The following RYK variants were observed in gnomAD, a reference collection of about 807,000 sequenced individuals.
The protein encoded by RYK is inactive tyrosine-protein kinase RYK.
A neutral mutation model predicts 70.2 loss-of-function variants in RYK; 21 were observed. The observed-to-expected ratio is 0.30, with a 90% CI of 0.21 to 0.43. RYK has a LOEUF of 0.43. Ranked by LOEUF, RYK falls within the 20% of genes least tolerant of loss-of-function variation. The pLI is 1.00. For synonymous variants in RYK, 267 were observed against 278.0 expected (o/e 0.96, Z 0.39); for missense variants, 604 against 753.3 (o/e 0.80, Z 2.32).
chr3:134,189,932 C>A (rs1007288171), intron 8 of RYK, among the ~76,000 whole-genome samples: 4 of 152,122 alleles, frequency 2.6e-5, no homozygotes, highest in Admixed American at 2.0e-4. Context: ...CTCTTTCTCA[C>A]TAGAAAATTG....
chr3:134,185,666 T>C (rs1346598681), intron 9 of RYK, among the ~76,000 whole-genome samples: 1 of 152,178 alleles, frequency 6.6e-6, no homozygotes, highest in African/African-American at 2.4e-5. Context: ...TCTAATGAAA[T>C]TATGGCCAGG....
In RYK at chr3:134,209,843, A is replaced by G. The variant is rs747356691; in HGVS notation, c.455-14T>C. 8.1e-5 allele frequency: 117 copies of G among 1,450,374 alleles called. No homozygotes were observed. Among genetic ancestry groups the G allele is most frequent in the Non-Finnish European group, 1.1e-4 (116 of 1,101,952 alleles). 89.8% of individuals were successfully genotyped at this position (1,450,374 alleles called of 1,614,324 possible). ...CTACCCGAAACACTGTTTAAAAAAGATAAGAAAAATATTTTACATTTTCTA... is the reference window on the plus strand; with the variant it reads ...CTACCCGAAACACTGTTTAAAAAAGGTAAGAAAAATATTTTACATTTTCTA... On this transcript the variant is annotated splice_polypyrimidine_tract_variant and intron_variant, in intron 3 of 14. Transcript: ENST00000623711.
intron 1 of RYK, among the ~76,000 whole-genome samples, chr3:134,224,985 T>G (rs1036334559): frequency 6.6e-6 from 1 of 152,126 alleles, no homozygotes; most frequent in Non-Finnish European, 1.5e-5. Flanking sequence ...TTTTCTTTAT[T>G]ATACTGGAAC....
chr3:134,222,383 C>T (rs2014766961), intron 2 of RYK, 35 bp downstream of exon 2: 6 of 1,611,292 alleles, frequency 3.7e-6, no homozygotes, highest in Non-Finnish European at 5.1e-6. Flanking sequence ...GCTGGGTGAC[C>T]CTGTCATGAT....
intron 2 of RYK, among the ~76,000 whole-genome samples, chr3:134,219,349 G>C (rs1037725115): frequency 3.9e-5 from 6 of 152,108 alleles, no homozygotes; most frequent in African/African-American, 1.2e-4. Context: ...TGTTTTAAAG[G>C]AATCAGTAAA....
intron 14 of RYK, 28 bp from the exon 15 acceptor site, chr3:134,158,292 G>T: frequency 6.9e-7 from 1 of 1,445,038 alleles, no homozygotes; most frequent in Non-Finnish European, 9.4e-7. Context: ...TGAAAATTTG[G>T]GCTAGTAAGG....
At chr3:134,210,897 T>C (rs1224868624) in intron 3 of RYK, among the ~76,000 whole-genome samples, 1 of 152,172 alleles carries the variant, frequency 6.6e-6, no homozygotes, top group East Asian at 1.9e-4. Flanking sequence ...AGTGCAGATC[T>C]TGAGTCTTGC....
intron 13 of RYK, among the ~76,000 whole-genome samples, chr3:134,163,540 A>G (rs1257995081): frequency 6.6e-6 from 1 of 152,204 alleles, no homozygotes; most frequent in South Asian, 2.1e-4. Context: ...TATAAGATGT[A>G]AAACAGTTTT....
At chr3:134,183,591 T>C (rs2013371416) in intron 9 of RYK, among the ~76,000 whole-genome samples, 1 of 151,958 alleles carries the variant, frequency 6.6e-6, no homozygotes, top group African/African-American at 2.4e-5. Context: ...TGGGCAAGAG[T>C]GTGAGAAAAC....
intron 2 of RYK, among the ~76,000 whole-genome samples, chr3:134,219,180 A>C (rs375570330): frequency 6.6e-6 from 1 of 152,094 alleles, no homozygotes; most frequent in African/African-American, 2.4e-5. Context: ...CCATGCTAAC[A>C]CTGCTTCCCC....
At chr3:134,202,272 AT>A (rs1678839135) in intron 6 of RYK, among the ~76,000 whole-genome samples, 1 of 152,236 alleles carries the variant, frequency 6.6e-6, no homozygotes, top group African/African-American at 2.4e-5. Context: ...AAATACCAGT[AT>A]GTTTTCAAAG....
At chr3:134,196,582 A>AACACACACACACACACACACAC (rs57185535) in intron 6 of RYK, among the ~76,000 whole-genome samples, 2 of 128,394 alleles carry the variant, frequency 1.6e-5, no homozygotes, top group African/African-American at 2.9e-5. Context: ...TCTGAAACAA[A>AACACACACACACACACACACAC]ACACACACAC....
rs147543757 is a variant in RYK at position 134,229,427 on chromosome 3, G to T, written c.233-6888C>A. ...AGGATAGAAAATCTTCACAACCTGG[G>T]GTAAGCAAAGATTTCCTGGACAGGT... On this transcript the variant is annotated intron_variant, in intron 1 of 14. Transcript: ENST00000623711. Among the ~76,000 whole-genome samples, 8 of 149,846 alleles carry T rather than the reference G, an allele frequency of 5.3e-5. No homozygotes were observed. The East Asian group carries it at 1.6e-3, about 29-fold the overall frequency.
intron 1 of RYK, among the ~76,000 whole-genome samples, chr3:134,244,994 T>C (rs182297095): frequency 6.6e-6 from 1 of 152,110 alleles, no homozygotes. Flanking sequence ...TCAGCAGATA[T>C]CAAATCTACC....
Position 134,162,824 on chromosome 3 carries a change from C to T in RYK, c.1576-3451G>A, listed in dbSNP as rs369405895. 1.2e-4 allele frequency among the ~76,000 whole-genome samples: 18 copies of T among 152,232 alleles called. No homozygotes were observed. The South Asian group carries it at 3.3e-3, about 28-fold the overall frequency. The stretch of plus-strand genomic sequence containing the variant: ...CAGAGCCCAAAGAAATGAAACTGGT[C>T]GGAAGGGTGCTCCCATCCCTTCCTC... On this transcript the variant is annotated intron_variant, in intron 13 of 14. Coordinates refer to ENST00000623711, the MANE Select transcript of RYK (RefSeq NM_002958.4).
intron 2 of RYK, among the ~76,000 whole-genome samples, chr3:134,213,835 A>G (rs186772042): frequency 8.6e-4 from 130 of 151,816 alleles, no homozygotes; most frequent in African/African-American, 2.9e-3. Context: ...ACCGAGTCTC[A>G]CTCTGTCACC....
intron 12 of RYK, 73 bp from the exon 13 acceptor site, chr3:134,175,841 A>G: frequency 6.4e-7 from 1 of 1,566,536 alleles, no homozygotes. Flanking sequence ...ACCCTTAAAT[A>G]CAACACAAGT....
At chr3:134,228,432 A>C (rs1305279383) in intron 1 of RYK, among the ~76,000 whole-genome samples, 1 of 152,240 alleles carries the variant, frequency 6.6e-6, no homozygotes, top group African/African-American at 2.4e-5. Context: ...CCAAGATATG[A>C]GATCAACCTA....
chr3:134,175,270 T>G (rs149257713), intron 13 of RYK, among the ~76,000 whole-genome samples: 13,850 of 150,950 alleles, frequency 0.092, 1,295 homozygotes, highest in South Asian at 0.33. Flanking sequence ...TTGAACCTGG[T>G]AGGCAGAGGT....
Sources: allele counts gnomAD v4.1 joint callset (sites outside exome capture counted in the v4.1 genomes callset), GRCh38; gene constraint gnomAD v4.1.1; transcripts MANE v1.5; gene names NCBI Gene and HGNC (gene_info 2026-07-23, HGNC 2026-07-21).